Variants in PRKG1 observed in about 807,000 individuals in gnomAD.
PRKG1 encodes the protein protein kinase cGMP-dependent 1.
Under a neutral mutation model 88.1 loss-of-function variants are expected in PRKG1, and 35 were observed. The ratio of observed to expected loss-of-function variants is 0.40; its 90% CI spans 0.30 to 0.53. The LOEUF (loss-of-function observed/expected upper bound fraction) is 0.53. PRKG1 is among the 20% of genes least tolerant of loss of function. The pLI is 0.59. For synonymous variants in PRKG1, 303 were observed against 292.5 expected (o/e 1.04, Z -0.37); for missense variants, 540 against 839.8 (o/e 0.64, Z 4.41).
intron 9 of PRKG1, among the ~76,000 whole-genome samples, chr10:52,222,189 C>A (rs1380001383): frequency 2.6e-5 from 4 of 152,152 alleles, no homozygotes; most frequent in South Asian, 2.1e-4. Flanking sequence ...AGGGGTGACC[C>A]CTTTTAAGCC....
intron 9 of PRKG1, among the ~76,000 whole-genome samples, chr10:52,181,307 T>C (rs1375888764): frequency 6.6e-6 from 1 of 152,050 alleles, no homozygotes; most frequent in Non-Finnish European, 1.5e-5. Context: ...AGAACACAGC[T>C]GCTCAGTCAG....
intron 3 of PRKG1, among the ~76,000 whole-genome samples, chr10:51,497,242 T>C (rs1383779358): frequency 1.3e-4 from 20 of 152,198 alleles, no homozygotes; most frequent in Admixed American, 1.3e-3. Flanking sequence ...CAACTTTAGT[T>C]GACTTAACAT....
At chr10:51,474,139 G>T (rs1280382138) in intron 3 of PRKG1, among the ~76,000 whole-genome samples, 1 of 151,896 alleles carries the variant, frequency 6.6e-6, no homozygotes, top group Non-Finnish European at 1.5e-5. Flanking sequence ...AGGGATGGGT[G>T]TTGTTGTTAC....
Position 51,284,777 on chromosome 10 carries a change from A to AT in PRKG1, c.478+131453dup, listed in dbSNP as rs1165273480. On this transcript the variant is annotated intron_variant, in intron 2 of 17. Transcript: ENST00000373980. Reference sequence around the variant, plus strand: ...GCTGCAGGGCCATGTTTATATATATATTTTTTGTAACCATGCAGTTGAATA... The same window carrying AT: ...GCTGCAGGGCCATGTTTATATATATATTTTTTTGTAACCATGCAGTTGAATA... 4.1e-4 allele frequency among the ~76,000 whole-genome samples: 58 copies of AT among 142,932 alleles called. No homozygotes were observed. In the South Asian group the frequency reaches 7.2e-3, roughly 18 times the overall value. 93.8% of individuals were successfully genotyped at this position (142,932 alleles called of 152,430 possible).
intron 4 of PRKG1, among the ~76,000 whole-genome samples, chr10:51,852,050 G>A (rs1840568200): frequency 6.6e-6 from 1 of 151,502 alleles, no homozygotes; most frequent in Non-Finnish European, 1.5e-5. Context: ...ATTTTAACAT[G>A]TTGGAGAAAA....
chr10:51,297,934 A>C (rs149105796), intron 2 of PRKG1, among the ~76,000 whole-genome samples: 1 of 152,260 alleles, frequency 6.6e-6, no homozygotes, highest in Non-Finnish European at 1.5e-5. Context: ...GGGATAGAGT[A>C]GGTGTCCTTA....
intron 3 of PRKG1, among the ~76,000 whole-genome samples, chr10:51,761,344 G>C (rs1314738537): frequency 1.3e-5 from 2 of 152,136 alleles, no homozygotes; most frequent in African/African-American, 4.8e-5. Flanking sequence ...TTTTGTTATG[G>C]TGGAAATTAT....
At chr10:51,248,451 A>C (rs1839348739) in intron 2 of PRKG1, among the ~76,000 whole-genome samples, 1 of 151,910 alleles carries the variant, frequency 6.6e-6, no homozygotes, top group East Asian at 1.9e-4. Flanking sequence ...TGGTCTGTGC[A>C]TTTGTAACCA....
chr10:50,991,770 G>T lies in PRKG1; in HGVS notation c.266+126G>T. ...CCCTGCTCGCTGCGGCGCGCGGAGT[G>T]GGGGTGGCCCCGCGGCCCGGGAATG... On this transcript the variant is annotated intron_variant, in intron 1 of 17. Coordinates refer to the PRKG1 transcript ENST00000401604. The surrounding 1 kb of genome is among the most constrained non-coding windows in gnomAD (Gnocchi z 4.5). 1 of 677,340 alleles carries T rather than the reference G, an allele frequency of 1.5e-6. No individual in the cohort carries two copies. The highest frequency in any genetic ancestry group is 6.1e-5 in the Admixed American group (1 of 16,440). 42.0% of individuals were successfully genotyped at this position (677,340 alleles called of 1,614,324 possible). A position where few individuals can be genotyped will look rare whatever the true frequency, so the allele number is the denominator to read the frequency against.
intron 3 of PRKG1, among the ~76,000 whole-genome samples, chr10:51,776,550 C>T (rs549548727): frequency 7.2e-5 from 11 of 152,132 alleles, no homozygotes; most frequent in Admixed American, 1.3e-4. Flanking sequence ...ATAGGCCGGG[C>T]ATGGTGGTTC....
At chr10:51,962,884 C>T (rs1013591323) in intron 5 of PRKG1, among the ~76,000 whole-genome samples, 8 of 152,086 alleles carry the variant, frequency 5.3e-5, no homozygotes, top group Admixed American at 3.3e-4. Flanking sequence ...GGAATTTAAT[C>T]GGTGAGATGA....
intron 1 of PRKG1, among the ~76,000 whole-genome samples, chr10:51,043,892 G>A (rs368303240): frequency 5.3e-5 from 8 of 152,302 alleles, no homozygotes; most frequent in Admixed American, 1.3e-4. Context: ...CAAAGGTCCC[G>A]TGATGGGACT....
chr10:51,962,428 A>G (rs113420641), intron 5 of PRKG1, among the ~76,000 whole-genome samples: 2 of 152,090 alleles, frequency 1.3e-5, no homozygotes, highest in South Asian at 4.1e-4. Flanking sequence ...TAATAAATAC[A>G]AATAGGATGA....
intron 3 of PRKG1, among the ~76,000 whole-genome samples, chr10:51,780,108 G>A (rs75709677): frequency 0.028 from 4,303 of 152,126 alleles, 181 homozygotes; most frequent in African/African-American, 0.094. Flanking sequence ...AAAACTTACC[G>A]CGTAATCTGA....
At chr10:51,218,048 A>C (rs1838416405) in intron 2 of PRKG1, among the ~76,000 whole-genome samples, 1 of 152,166 alleles carries the variant, frequency 6.6e-6, no homozygotes, top group African/African-American at 2.4e-5. Context: ...ATGTTTACAT[A>C]CTTTGTAATG....
At position 51,459,669 on chromosome 10, in the gene PRKG1, A is replaced by G. The variant is rs142976268; in HGVS notation, c.479-8054A>G. On this transcript the variant is annotated intron_variant, in intron 2 of 17. Coordinates refer to ENST00000373980, the MANE Select transcript of PRKG1 (RefSeq NM_006258.4). ...CCATGCACAGAGAGTTAGATAAGTT[A>G]TCTAAGTTTCCACAGTCAGTCAATG... 3.9e-5 allele frequency among the ~76,000 whole-genome samples: 6 copies of G among 152,326 alleles called. No individual in the cohort carries two copies. In the East Asian group the frequency reaches 9.6e-4, roughly 24 times the overall value.
At chr10:52,224,344 T>C (rs1339967956) in intron 9 of PRKG1, among the ~76,000 whole-genome samples, 3 of 152,088 alleles carry the variant, frequency 2.0e-5, no homozygotes, top group African/African-American at 7.2e-5. Context: ...CACTCGTCCA[T>C]CTCCTTCTCA....
chr10:51,155,579 G>A (rs1846186286), intron 2 of PRKG1, among the ~76,000 whole-genome samples: 1 of 151,954 alleles, frequency 6.6e-6, no homozygotes, highest in South Asian at 2.1e-4. Context: ...CTATGTATTA[G>A]TCAGGACTCT....
At chr10:51,246,016 A>G (rs1839279996) in intron 2 of PRKG1, among the ~76,000 whole-genome samples, 1 of 152,084 alleles carries the variant, frequency 6.6e-6, no homozygotes, top group Non-Finnish European at 1.5e-5. Flanking sequence ...TGGCTGAGAC[A>G]GTACATTGGT....
Sources: allele counts gnomAD v4.1 joint callset (sites outside exome capture counted in the v4.1 genomes callset), GRCh38; gene constraint gnomAD v4.1.1; non-coding constraint Gnocchi (gnomAD v3.1); transcripts MANE v1.5; gene names NCBI Gene and HGNC (gene_info 2026-07-23, HGNC 2026-07-21).